Variants in PLCG2 observed in about 807,000 individuals in gnomAD.
PLCG2 encodes phospholipase C gamma 2, also known as 1-phosphatidylinositol 4,5-bisphosphate phosphodiesterase gamma-2.
A neutral mutation model predicts 175.6 loss-of-function variants in PLCG2; 69 were observed. That is an observed-to-expected ratio of 0.39 (90% confidence interval 0.32 to 0.48). The LOEUF (loss-of-function observed/expected upper bound fraction) is 0.48, where lower values mean the gene tolerates loss of function less well. PLCG2 is among the 20% of genes least tolerant of loss of function. The pLI is 0.91. For missense variants in PLCG2, 1,798 were observed against 1,650.9 expected, an observed-to-expected ratio of 1.09 and a Z score of -1.54; for synonymous variants, 827 against 624.0, an observed-to-expected ratio of 1.33 and a Z score of -4.85.
chr16:81,886,350 G>A (rs1003993682), intron 9 of PLCG2, among the ~76,000 whole-genome samples: 1 of 152,214 alleles, frequency 6.6e-6, no homozygotes, highest in African/African-American at 2.4e-5. Flanking sequence ...TGCGATGTTT[G>A]TTGGTCACAC....
chr16:81,812,290 C>T (rs1443263372), intron 2 of PLCG2, among the ~76,000 whole-genome samples: 3 of 151,976 alleles, frequency 2.0e-5, no homozygotes, highest in Admixed American at 6.6e-5. Context: ...ACCTCGTGAT[C>T]CACACGCCTC....
At chr16:81,808,816 C>T (rs1904294232) in intron 2 of PLCG2, among the ~76,000 whole-genome samples, 1 of 152,200 alleles carries the variant, frequency 6.6e-6, no homozygotes, top group South Asian at 2.1e-4. Context: ...CTTGAGCAAG[C>T]TCCATAGCCT....
intron 2 of PLCG2, among the ~76,000 whole-genome samples, chr16:81,787,415 G>A (rs1408021305): frequency 8.9e-5 from 1 of 11,188 alleles, no homozygotes; most frequent in Admixed American, 6.9e-4. Context: ...TTTTTTTGTA[G>A]AGATGGGATC....
At chr16:81,821,365 A>G (rs1279278041) in intron 2 of PLCG2, among the ~76,000 whole-genome samples, 3 of 152,214 alleles carry the variant, frequency 2.0e-5, no homozygotes, top group African/African-American at 7.2e-5. Context: ...TACTGGAGGT[A>G]TTTCCAGTTT....
At chr16:81,851,646 G>A (rs1203887625) in intron 2 of PLCG2, among the ~76,000 whole-genome samples, 2 of 152,128 alleles carry the variant, frequency 1.3e-5, no homozygotes, top group Non-Finnish European at 2.9e-5. Context: ...CCAAGTAGCT[G>A]GTACAACTGG....
intron 19 of PLCG2, among the ~76,000 whole-genome samples, chr16:81,913,221 C>T (rs145266449): frequency 1.1e-4 from 17 of 152,280 alleles, no homozygotes; most frequent in East Asian, 3.9e-4. Context: ...GACAAGGAGC[C>T]GAGGAGTGAC....
intron 31 of PLCG2, among the ~76,000 whole-genome samples, chr16:81,947,407 C>T (rs370747068): frequency 6.6e-6 from 1 of 152,208 alleles, no homozygotes; most frequent in African/African-American, 2.4e-5. Context: ...CTCACAGGTG[C>T]AGCTCGGCAT....
intron 2 of PLCG2, among the ~76,000 whole-genome samples, chr16:81,797,857 A>T: frequency 6.9e-6 from 1 of 145,050 alleles, no homozygotes. Flanking sequence ...TTTGAGATGG[A>T]GTCTCACTCT....
At chr16:81,788,315 C>T (rs140921325) in intron 2 of PLCG2, among the ~76,000 whole-genome samples, 5 of 152,312 alleles carry the variant, frequency 3.3e-5, no homozygotes, top group African/African-American at 4.8e-5. Context: ...GAGTCTCGCT[C>T]TGTTGCCCAG....
Position 81,953,041 on chromosome 16 carries a change from A to C in PLCG2, c.3571-3654A>C, listed in dbSNP as rs375799164. ...GAGAAGGGTACATTGCTTCTGTGAC[A>C]TTCTTGCCAAAACTGCATCGCCTCA... On this transcript the variant is annotated intron_variant, in intron 31 of 32. Coordinates refer to ENST00000564138, the MANE Select transcript of PLCG2 (RefSeq NM_002661.5). 4.3e-4 allele frequency among the ~76,000 whole-genome samples: 65 copies of C among 152,360 alleles called. No individual in the cohort carries two copies. In the Middle Eastern group the frequency reaches 0.01, roughly 24 times the overall value.
In PLCG2 at chr16:81,785,950, A is replaced by G. The variant is rs769959186; in HGVS notation, c.-40A>G. 12 of 1,582,438 alleles carry G rather than the reference A, an allele frequency of 7.6e-6. No homozygotes were observed. The Middle Eastern group carries it at 1.9e-3, about 244-fold the overall frequency. On this transcript the variant is annotated 5_prime_UTR_variant, in exon 2 of 33. Transcript: ENST00000564138. ...TTAATTCTGCCCTTTCAGCTTCCTG[A>G]TTTCTCCCGATTCCTTCCTTCTCCC...
chr16:81,802,718 T>C (rs1046479819), intron 2 of PLCG2, among the ~76,000 whole-genome samples: 1 of 151,788 alleles, frequency 6.6e-6, no homozygotes, highest in Non-Finnish European at 1.5e-5. Context: ...ATTACAGGCA[T>C]GCGCCACCAC....
chr16:81,746,309 T>G (rs1208935042), intron 1 of PLCG2, among the ~76,000 whole-genome samples: 2 of 152,178 alleles, frequency 1.3e-5, no homozygotes, highest in Non-Finnish European at 2.9e-5. Flanking sequence ...CTTGAGTGCT[T>G]GAGTTTTCGC....
intron 2 of PLCG2, among the ~76,000 whole-genome samples, chr16:81,789,315 G>A (rs1030852237): frequency 1.3e-5 from 2 of 152,192 alleles, no homozygotes; most frequent in African/African-American, 2.4e-5. Flanking sequence ...TTTAGAGACA[G>A]GGTCTTGCTC....
chr16:81,872,389 G>A (rs947598680), intron 7 of PLCG2, among the ~76,000 whole-genome samples: 9 of 152,172 alleles, frequency 5.9e-5, no homozygotes, highest in Non-Finnish European at 1.2e-4. Context: ...ATGAGCAAGG[G>A]GAGAGTATGG....
At chr16:81,743,523 C>T (rs113482093) in intron 1 of PLCG2, among the ~76,000 whole-genome samples, 1 of 152,184 alleles carries the variant, frequency 6.6e-6, no homozygotes, top group East Asian at 1.9e-4. Flanking sequence ...CCAGAGGCCA[C>T]AGTGGCCAGA....
Position 81,962,644 on chromosome 16 carries a change from G to A in PLCG2, c.*4646G>A, listed in dbSNP as rs1478266258. On this transcript the variant is annotated 3_prime_UTR_variant, in exon 33 of 33. Coordinates refer to ENST00000564138, the MANE Select transcript of PLCG2 (RefSeq NM_002661.5). ...CTGTTGTTAATGTGAAAATTAAACA[G>A]CTGTATCACATTTTGAAAAATAAAA... 2 of 221,174 alleles carry A rather than the reference G, an allele frequency of 9.0e-6. No individual in the cohort carries two copies. The highest frequency in any genetic ancestry group is 1.8e-5 in the Non-Finnish European group (2 of 110,588). 13.7% of individuals were successfully genotyped at this position (221,174 alleles called of 1,614,324 possible).
intron 5 of PLCG2, among the ~76,000 whole-genome samples, chr16:81,863,767 C>G (rs957869129): frequency 1.3e-5 from 2 of 152,244 alleles, no homozygotes; most frequent in Non-Finnish European, 2.9e-5. Flanking sequence ...TGGCGTATAA[C>G]ATTGGATTTG....
intron 31 of PLCG2, among the ~76,000 whole-genome samples, chr16:81,950,939 CAAATAAAAATAAAA>C (rs1421524838): frequency 2.0e-5 from 3 of 151,478 alleles, no homozygotes; most frequent in East Asian, 1.9e-4. Flanking sequence ...GAATAAAACA[CAAATAAAAATAAAA>C]GGATAAAAAG....
Sources: gnomAD v4.1 joint callset for allele counts (sites outside exome capture counted in the v4.1 genomes callset) on GRCh38, gnomAD v4.1.1 for gene constraint, MANE v1.5 for transcripts, NCBI Gene and HGNC (gene_info 2026-07-23, HGNC 2026-07-21) for gene names.